KALRN: variants seen among roughly 807,000 people sequenced by gnomAD.
KALRN encodes the protein kalirin.
KALRN carries 70 observed loss-of-function variants against 353.7 expected under a neutral mutation model. The observed-to-expected ratio is 0.20, with a 90% CI of 0.16 to 0.24. The LOEUF is 0.24. Among genes scored for constraint, KALRN ranks in the 10% least tolerant of loss-of-function variants. KALRN has a pLI of 1.00. For synonymous variants in KALRN, 1,391 were observed against 1,434.8 expected (o/e 0.97, Z 0.69); for missense variants, 2,791 against 3,756.7 (o/e 0.74, Z 6.72).
Position 124,237,799 on chromosome 3 carries a change from T to C in KALRN, c.263+2856T>C, listed in dbSNP as rs77565562. ...TTGAGAAATTTAGGGGAAACCTGGG[T>C]ATTTTCCTACCCAGTGCCAAACCAG... is the stretch of plus-strand genomic sequence containing the variant. On this transcript the variant is annotated intron_variant, in intron 3 of 59. Coordinates refer to ENST00000682506, the MANE Select transcript of KALRN (RefSeq NM_001388419.1). 6.5e-3 allele frequency among the ~76,000 whole-genome samples: 992 copies of C among 152,272 alleles called. 19 individuals carry two copies. The East Asian group carries it at 0.076, about 12-fold the overall frequency.
chr3:124,675,555 G>T (rs2087092477), intron 49 of KALRN: 2 of 131,540 alleles, frequency 1.5e-5, no homozygotes, highest in Non-Finnish European at 1.6e-5. Flanking sequence ...CTGTATTTTA[G>T]GATTTGGGTG....
At chr3:124,348,058 G>T (rs181984171) in intron 10 of KALRN, among the ~76,000 whole-genome samples, 115 of 152,250 alleles carry the variant, frequency 7.6e-4, no homozygotes, top group African/African-American at 2.6e-3. Context: ...TTTTCCAAAC[G>T]GGTCCTGAAA....
chr3:124,604,527 C>T (rs1174501543), intron 34 of KALRN, among the ~76,000 whole-genome samples: 1 of 151,968 alleles, frequency 6.6e-6, no homozygotes, highest in Non-Finnish European at 1.5e-5. Flanking sequence ...TCATGAAAGC[C>T]CTATAAATAT....
In KALRN at chr3:124,265,586, C is replaced by A. The variant is rs184717840; in HGVS notation, c.456+896C>A. ...GGGATTACAGGCATGAGCCACTGTGCCCAGCCTAATTTAAGAAAATATTCT... is the reference window on the plus strand; with the variant it reads ...GGGATTACAGGCATGAGCCACTGTGACCAGCCTAATTTAAGAAAATATTCT... On this transcript the variant is annotated intron_variant, in intron 4 of 59. Transcript: ENST00000682506. Among the ~76,000 whole-genome samples the A allele has an allele frequency of 5.8e-4, 88 of 151,910 alleles. No individual in the cohort carries two copies. In the East Asian group the frequency reaches 0.011, roughly 18 times the overall value.
intron 6 of KALRN, among the ~76,000 whole-genome samples, chr3:124,314,892 T>C (rs1392567968): frequency 1.3e-5 from 2 of 152,178 alleles, no homozygotes; most frequent in African/African-American, 2.4e-5. Context: ...TGGCCTCAAG[T>C]GATCCACCTT....
At chr3:124,648,205 T>A (rs941973883) in intron 37 of KALRN, among the ~76,000 whole-genome samples, 1 of 152,240 alleles carries the variant, frequency 6.6e-6, no homozygotes, top group South Asian at 2.1e-4. Flanking sequence ...ATTACAAGCA[T>A]TAAAATCAAA....
intron 5 of KALRN, among the ~76,000 whole-genome samples, chr3:124,292,679 A>G (rs1395856314): frequency 6.6e-6 from 1 of 152,046 alleles, no homozygotes; most frequent in Non-Finnish European, 1.5e-5. Flanking sequence ...TGGGCGGTGG[A>G]TGTGTTTGCA....
intron 1 of KALRN, among the ~76,000 whole-genome samples, chr3:124,146,889 A>AAAAG (rs2067422394): frequency 6.6e-6 from 1 of 150,858 alleles, no homozygotes; most frequent in Non-Finnish European, 1.5e-5. Context: ...AAAAAAAAAA[A>AAAAG]AAAAAGAAAA....
intron 51 of KALRN, among the ~76,000 whole-genome samples, chr3:124,688,560 A>T (rs775238743): frequency 2.0e-5 from 3 of 152,174 alleles, no homozygotes; most frequent in Non-Finnish European, 2.9e-5. Flanking sequence ...AAAAGGAAAA[A>T]TATAGAAATA....
At chr3:124,120,248 G>T (rs1237033652) in intron 1 of KALRN, among the ~76,000 whole-genome samples, 1 of 152,170 alleles carries the variant, frequency 6.6e-6, no homozygotes, top group African/African-American at 2.4e-5. Context: ...TGGTCCTTTG[G>T]CAGGCAGATC....
At chr3:124,546,354 C>G (rs2069662910) in intron 33 of KALRN, among the ~76,000 whole-genome samples, 1 of 150,866 alleles carries the variant, frequency 6.6e-6, no homozygotes, top group African/African-American at 2.4e-5. Context: ...GTCCCAGCTA[C>G]TTGGGAGGCT....
chr3:124,052,537 A>T (rs1370185627), intron 1 of KALRN, among the ~76,000 whole-genome samples: 1 of 152,052 alleles, frequency 6.6e-6, no homozygotes. Context: ...AGCCGTCCAG[A>T]ATCTTCTTTT....
rs2092852406 is a variant in KALRN at position 124,423,055 on chromosome 3, G to A, written c.2709+77G>A. ...GACCTGGGACCTGCTCCTGGTATGA[G>A]GTAAGGCATACAGAGCCACAGGTGC... On this transcript the variant is annotated intron_variant, in intron 15 of 59. Coordinates refer to ENST00000682506, the MANE Select transcript of KALRN (RefSeq NM_001388419.1). 2.0e-5 allele frequency: 29 copies of A among 1,454,420 alleles called. No homozygotes were observed. The South Asian group carries it at 3.1e-4, about 16-fold the overall frequency. The allele number at this position is 1,454,420 out of a possible 1,614,324, so 90.1% of individuals were successfully genotyped here. A position where few individuals can be genotyped will look rare whatever the true frequency, so the allele number is the denominator to read the frequency against.
intron 3 of KALRN, among the ~76,000 whole-genome samples, chr3:124,259,852 A>G (rs2072593740): frequency 6.6e-6 from 1 of 152,186 alleles, no homozygotes; most frequent in South Asian, 2.1e-4. Context: ...TACAGGTTTA[A>G]ATAGGGTTGT....
chr3:124,072,706 C>A (rs2060076231), intron 1 of KALRN, among the ~76,000 whole-genome samples: 1 of 152,150 alleles, frequency 6.6e-6, no homozygotes, highest in African/African-American at 2.4e-5. Flanking sequence ...GCAAAAGACT[C>A]CATCAGTGTG....
chr3:124,346,545 A>G (rs1268428927), intron 9 of KALRN, among the ~76,000 whole-genome samples: 1 of 152,186 alleles, frequency 6.6e-6, no homozygotes, highest in African/African-American at 2.4e-5. Context: ...GTTGGTTGGT[A>G]TCGATTGGAG....
chr3:124,150,640 A>AT lies in KALRN; in HGVS notation c.74-77344dup, dbSNP rs1165803609. Among the ~76,000 whole-genome samples, 6 of 152,088 alleles carry AT rather than the reference A, an allele frequency of 3.9e-5. No homozygotes were observed. The East Asian group carries it at 7.7e-4, about 19-fold the overall frequency. On this transcript the variant is annotated intron_variant, in intron 1 of 59. Coordinates refer to ENST00000682506, the MANE Select transcript of KALRN (RefSeq NM_001388419.1). ...TGAGTTTGCAAAGCAGTTTTCATGG[A>AT]TTTTTTATTTTCCTACATGGACTTT...
intron 1 of KALRN, among the ~76,000 whole-genome samples, chr3:124,159,876 TG>T (rs917404956): frequency 1.3e-5 from 2 of 151,706 alleles, no homozygotes; most frequent in South Asian, 2.1e-4. Context: ...CTGATGGGTA[TG>T]GGGGGAGATG....
chr3:124,432,549 T>A (rs1291898875), intron 16 of KALRN, among the ~76,000 whole-genome samples: 1 of 152,202 alleles, frequency 6.6e-6, no homozygotes, highest in Non-Finnish European at 1.5e-5. Context: ...TGAAGACAGC[T>A]CTTGGCCATA....
Sources: gnomAD v4.1 joint callset for allele counts (sites outside exome capture counted in the v4.1 genomes callset) on GRCh38, gnomAD v4.1.1 for gene constraint, MANE v1.5 for transcripts, NCBI Gene and HGNC (gene_info 2026-07-23, HGNC 2026-07-21) for gene names.